The following STK10 variants were observed in gnomAD, a reference collection of about 807,000 sequenced individuals.
STK10 encodes serine/threonine-protein kinase 10.
A neutral mutation model predicts 113.8 loss-of-function variants in STK10; 78 were observed. That is an observed-to-expected ratio of 0.69 (90% CI 0.57 to 0.83). The LOEUF is 0.83. Among genes scored for constraint, STK10 ranks in the 40% least tolerant of loss-of-function variants. The pLI is 0.00. For synonymous variants in STK10, 465 were observed against 494.7 expected, an observed-to-expected ratio of 0.94 and a Z score of 0.80; for missense variants, 1,109 against 1,280.1, an observed-to-expected ratio of 0.87 and a Z score of 2.04.
At chr5:172,111,157 A>G (rs926962242) in intron 4 of STK10, among the ~76,000 whole-genome samples, 18 of 152,062 alleles carry the variant, frequency 1.2e-4, no homozygotes, top group Admixed American at 1.2e-3. Flanking sequence ...CCTCCAGGGT[A>G]AGAATGGGAA....
chr5:172,122,529 A>G (rs1270190730), intron 3 of STK10, among the ~76,000 whole-genome samples: 1 of 152,246 alleles, frequency 6.6e-6, no homozygotes, highest in Admixed American at 6.5e-5. Flanking sequence ...TATTAAAAAA[A>G]CTACAACATT....
chr5:172,164,143 C>G (rs1376305275), intron 1 of STK10, among the ~76,000 whole-genome samples: 1 of 143,082 alleles, frequency 7.0e-6, no homozygotes, highest in Non-Finnish European at 1.5e-5. Flanking sequence ...ACCCGGGAGG[C>G]GGAGGTTGCA....
At chr5:172,115,579 C>T (rs1432834727) in intron 4 of STK10, among the ~76,000 whole-genome samples, 1 of 152,158 alleles carries the variant, frequency 6.6e-6, no homozygotes, top group East Asian at 1.9e-4. Flanking sequence ...TCCTGTCTGC[C>T]TTAACTCTTA....
At chr5:172,174,583 G>A (rs1442017014) in intron 1 of STK10, among the ~76,000 whole-genome samples, 1 of 152,144 alleles carries the variant, frequency 6.6e-6, no homozygotes, top group East Asian at 1.9e-4. Flanking sequence ...TGCTGGAGGG[G>A]ACAGAAAATA....
In STK10 at chr5:172,054,676, TCTC is replaced by T; in HGVS notation, c.2542_2544del (p.Glu848del). On this transcript the variant is annotated inframe_deletion, in exon 17 of 19. Transcript: ENST00000176763. ...TGCAGCCGCTCCGACTTCTGCCTCT[TCTC>T]CTCCTGCTGGGAGAACTGCACCAGA... 1 of 1,610,298 alleles carries T rather than the reference TCTC, an allele frequency of 6.2e-7. No individual in the cohort carries two copies. Among genetic ancestry groups the T allele is most frequent in the East Asian group, 2.2e-5 (1 of 44,874 alleles).
At chr5:172,182,424 A>G (rs1233083157) in intron 1 of STK10, among the ~76,000 whole-genome samples, 2 of 151,618 alleles carry the variant, frequency 1.3e-5, no homozygotes. Context: ...TCTGTTGCCC[A>G]GGCTGGAGTG....
Position 172,125,529 on chromosome 5 carries a change from C to T in STK10, c.370+1844G>A, listed in dbSNP as rs139630261. Among the ~76,000 whole-genome samples the T allele has an allele frequency of 8.9e-3, 1,361 of 152,236 alleles. 19 individuals are homozygous for T. The highest frequency in any genetic ancestry group is 0.031 in the African/African-American group (1,300 of 41,520). ...CCTCCCAAGTAGCTGGGATTACAGG[C>T]GCCTGCCATCACGCCCAGCTAATTT... On this transcript the variant is annotated intron_variant, in intron 3 of 18. Transcript: ENST00000176763.
At position 172,057,323 on chromosome 5, in the gene STK10, G is replaced by A. The variant is rs182244651; in HGVS notation, c.2337+26C>T. The A allele has an allele frequency of 3.8e-4, 601 of 1,576,010 alleles. 6 individuals are homozygous for A. The South Asian group carries it at 6.0e-3, about 16-fold the overall frequency. On this transcript the variant is annotated intron_variant, in intron 15 of 18. Transcript: ENST00000176763. ...CCCAGGTCGGCCCGGCAGCAGATCC[G>A]AGCCCCGTGCCACCGGCAGCCTCAC...
At chr5:172,077,778 C>T (rs773349125) in intron 12 of STK10, among the ~76,000 whole-genome samples, 9 of 151,558 alleles carry the variant, frequency 5.9e-5, no homozygotes, top group East Asian at 1.9e-4. Flanking sequence ...GTGTTTCCCA[C>T]GCCTGAATTT....
At position 172,138,840 on chromosome 5, in the gene STK10, G is replaced by A. The variant is rs184651317; in HGVS notation, c.322-11419C>T. Among the ~76,000 whole-genome samples the A allele has an allele frequency of 2.1e-3, 325 of 152,036 alleles. 2 individuals carry two copies. The highest frequency in any genetic ancestry group is 7.1e-3 in the African/African-American group (293 of 41,472). The stretch of plus-strand genomic sequence containing the variant: ...ATCCTGGCTAACACAGTGAAACCCC[G>A]TCTCTACTAAAAAAGTACAAAAAAT... On this transcript the variant is annotated intron_variant, in intron 2 of 18. Transcript: ENST00000176763.
At chr5:172,087,794 A>G (rs1273356939) in intron 10 of STK10, among the ~76,000 whole-genome samples, 2 of 123,218 alleles carry the variant, frequency 1.6e-5, no homozygotes, top group Non-Finnish European at 3.4e-5. Context: ...GCGCCCGGCT[A>G]ATTTTTTGTA....
At chr5:172,145,788 T>A (rs1474819388) in intron 2 of STK10, among the ~76,000 whole-genome samples, 4 of 152,136 alleles carry the variant, frequency 2.6e-5, no homozygotes, top group Non-Finnish European at 5.9e-5. Context: ...TGTGATCACA[T>A]GGGATCACAC....
chr5:172,068,367 G>C (rs576083296), intron 12 of STK10, among the ~76,000 whole-genome samples: 4 of 151,906 alleles, frequency 2.6e-5, no homozygotes, highest in Non-Finnish European at 5.9e-5. Context: ...AGATAGGTAT[G>C]TCTAGTGAAA....
At chr5:172,099,744 G>A (rs77743512) in intron 7 of STK10, among the ~76,000 whole-genome samples, 4,086 of 152,300 alleles carry the variant, frequency 0.027, 85 homozygotes, top group Non-Finnish European at 0.04. Context: ...GTGAACTTGA[G>A]CGAAACGCCA....
chr5:172,088,258 G>A (rs1252067990), intron 10 of STK10, among the ~76,000 whole-genome samples: 5 of 152,090 alleles, frequency 3.3e-5, no homozygotes, highest in Non-Finnish European at 7.4e-5. Context: ...GGGCGCGGTG[G>A]CTCACATCTG....
chr5:172,066,842 C>T (rs1768084142), intron 12 of STK10, among the ~76,000 whole-genome samples: 1 of 152,144 alleles, frequency 6.6e-6, no homozygotes, highest in Non-Finnish European at 1.5e-5. Context: ...TGTGTGAACA[C>T]AGAGATTCAC....
intron 1 of STK10, among the ~76,000 whole-genome samples, chr5:172,174,318 C>G (rs570299882): frequency 6.6e-6 from 1 of 152,054 alleles, no homozygotes; most frequent in South Asian, 2.1e-4. Context: ...ATTACAGGCG[C>G]GCACCATCAC....
At chr5:172,147,666 A>G (rs1214454123) in intron 2 of STK10, among the ~76,000 whole-genome samples, 1 of 152,170 alleles carries the variant, frequency 6.6e-6, no homozygotes, top group Non-Finnish European at 1.5e-5. Flanking sequence ...TGCTGGGATT[A>G]CAGGCGTGAG....
chr5:172,161,881 T>A (rs1770477796), intron 1 of STK10, among the ~76,000 whole-genome samples: 1 of 151,956 alleles, frequency 6.6e-6, no homozygotes, highest in Non-Finnish European at 1.5e-5. Context: ...TCCATCCAAG[T>A]CCCTTGCAGG....
Sources: gnomAD v4.1 joint callset for allele counts (sites outside exome capture counted in the v4.1 genomes callset) on GRCh38, gnomAD v4.1.1 for gene constraint, MANE v1.5 for transcripts, NCBI Gene and HGNC (gene_info 2026-07-23, HGNC 2026-07-21) for gene names.